Variants in CD226 observed in about 807,000 individuals in gnomAD.
CD226 encodes the protein CD226 molecule, also known as CD226 antigen.
A neutral mutation model predicts 34.9 loss-of-function variants in CD226; 24 were observed. The ratio of observed to expected loss-of-function variants is 0.69; its 90% CI spans 0.50 to 0.97. The LOEUF is 0.97. Among genes scored for constraint, CD226 ranks in the 50% least tolerant of loss-of-function variants. CD226 has a pLI of 0.00. For missense variants in CD226, 397 were observed against 412.7 expected, an observed-to-expected ratio of 0.96 and a Z score of 0.33; for synonymous variants, 148 against 147.4, an observed-to-expected ratio of 1.00 and a Z score of -0.03.
intron 2 of CD226, among the ~76,000 whole-genome samples, chr18:69,945,065 T>C (rs1345144866): frequency 1.3e-5 from 2 of 152,188 alleles, no homozygotes; most frequent in African/African-American, 2.4e-5. Flanking sequence ...TCAGATGTCA[T>C]AAAATGTTCT....
chr18:69,928,837 G>A (rs1211890339), intron 2 of CD226, among the ~76,000 whole-genome samples: 1 of 152,144 alleles, frequency 6.6e-6, no homozygotes, highest in Admixed American at 6.5e-5. Context: ...GAAAGAAAAG[G>A]CACAAGCAAA....
At chr18:69,874,572 T>C (rs1019516955) in intron 3 of CD226, among the ~76,000 whole-genome samples, 1 of 152,196 alleles carries the variant, frequency 6.6e-6, no homozygotes, top group African/African-American at 2.4e-5. Context: ...GTTTGTACTG[T>C]GACACCCCGG....
intron 3 of CD226, among the ~76,000 whole-genome samples, chr18:69,895,302 A>G (rs1985203142): frequency 6.6e-6 from 1 of 152,178 alleles, no homozygotes; most frequent in Non-Finnish European, 1.5e-5. Flanking sequence ...TCAACCTAGC[A>G]CTGTCTTGTA....
At chr18:69,954,915 T>G (rs1236209638) in intron 1 of CD226, among the ~76,000 whole-genome samples, 1 of 152,162 alleles carries the variant, frequency 6.6e-6, no homozygotes, top group Non-Finnish European at 1.5e-5. Flanking sequence ...TCAGCAGCCA[T>G]TTTTTGCATG....
In CD226 at chr18:69,879,253, C is replaced by T. The variant is rs143912264; in HGVS notation, c.728-6007G>A. Among the ~76,000 whole-genome samples the T allele has an allele frequency of 1.4e-3, 218 of 152,248 alleles. 1 individual carries two copies. The highest frequency in any genetic ancestry group is 7.3e-3 in the South Asian group (35 of 4,810). ...GCAGAGAACCAGTCTGACTAGAATT[C>T]GCCAGGCTGGAATTTCCTAATCCTA... On this transcript the variant is annotated intron_variant, in intron 3 of 5. Coordinates refer to ENST00000582621, the MANE Select transcript of CD226 (RefSeq NM_001303618.2).
At chr18:69,873,707 T>C (rs1004562417) in intron 3 of CD226, among the ~76,000 whole-genome samples, 1 of 151,994 alleles carries the variant, frequency 6.6e-6, no homozygotes. Context: ...CCGTCTCTAC[T>C]AAAAACACAA....
intron 3 of CD226, among the ~76,000 whole-genome samples, chr18:69,879,044 A>AT (rs1013769840): frequency 9.9e-5 from 15 of 152,096 alleles, no homozygotes; most frequent in African/African-American, 3.4e-4. Flanking sequence ...TTTATTAGCA[A>AT]TTTTCAAAGG....
At chr18:69,872,860 C>T (rs922186689) in intron 4 of CD226, among the ~76,000 whole-genome samples, 5 of 152,156 alleles carry the variant, frequency 3.3e-5, no homozygotes, top group African/African-American at 9.7e-5. Flanking sequence ...CACACCACCC[C>T]CTCGCTGTCA....
chr18:69,952,694 G>T (rs116429283), upstream of CD226, among the ~76,000 whole-genome samples: 1 of 152,080 alleles, frequency 6.6e-6, no homozygotes, highest in African/African-American at 2.4e-5. Context: ...AGTTGTCAAC[G>T]GATTCTTAGA....
At position 69,942,278 on chromosome 18, in the gene CD226, A is replaced by G. The variant is rs375449135; in HGVS notation, c.382+4456T>C. Reference sequence around the variant, plus strand: ...CACATTGGTTCTCTTTCTCTGGAGAAGCCTGACTAAAATAATAGAGATACC... The same window carrying G: ...CACATTGGTTCTCTTTCTCTGGAGAGGCCTGACTAAAATAATAGAGATACC... On this transcript the variant is annotated intron_variant, in intron 2 of 5. Transcript: ENST00000582621. Among the ~76,000 whole-genome samples the G allele has an allele frequency of 4.5e-4, 68 of 152,378 alleles. 1 individual carries two copies. The highest frequency in any genetic ancestry group is 1.4e-3 in the African/African-American group (59 of 41,592).
chr18:69,960,742 GC>G (rs1255042610), upstream of CD226, among the ~76,000 whole-genome samples: 39 of 152,306 alleles, frequency 2.6e-4, no homozygotes, highest in Admixed American at 1.2e-3. Context: ...GAGCCACTGT[GC>G]CTGGCCAGAT....
intron 2 of CD226, among the ~76,000 whole-genome samples, chr18:69,905,928 G>A (rs1358502617): frequency 1.3e-5 from 2 of 152,194 alleles, no homozygotes; most frequent in Non-Finnish European, 2.9e-5. Context: ...AAGGGTATTT[G>A]CCAGAAGAAA....
intron 3 of CD226, among the ~76,000 whole-genome samples, chr18:69,893,840 G>T (rs1291246972): frequency 1.3e-5 from 2 of 152,204 alleles, no homozygotes; most frequent in African/African-American, 4.8e-5. Flanking sequence ...TGTATGAAAA[G>T]ATGTTATTCC....
chr18:69,930,101 G>A (rs1295306044), intron 2 of CD226, among the ~76,000 whole-genome samples: 2 of 152,042 alleles, frequency 1.3e-5, no homozygotes, highest in African/African-American at 2.4e-5. Context: ...ATCATTCCTG[G>A]GAAGATGATG....
chr18:69,888,612 G>A (rs1984703955), intron 3 of CD226, among the ~76,000 whole-genome samples: 1 of 152,052 alleles, frequency 6.6e-6, no homozygotes. Flanking sequence ...ATCCTGACTT[G>A]TAGTCTAAGT....
intron 2 of CD226, among the ~76,000 whole-genome samples, chr18:69,909,910 G>T (rs1273279305): frequency 6.6e-6 from 1 of 152,168 alleles, no homozygotes; most frequent in Non-Finnish European, 1.5e-5. Context: ...ACTTAACAAG[G>T]TGAAGCAAAT....
intron 2 of CD226, among the ~76,000 whole-genome samples, chr18:69,943,855 A>C (rs1363599898): frequency 6.6e-6 from 1 of 152,172 alleles, no homozygotes; most frequent in Non-Finnish European, 1.5e-5. Flanking sequence ...TCCGCACATA[A>C]TAAGCTATCA....
At chr18:69,888,461 C>T (rs577492652) in intron 3 of CD226, among the ~76,000 whole-genome samples, 23 of 148,500 alleles carry the variant, frequency 1.5e-4, no homozygotes, top group Middle Eastern at 3.6e-3. Context: ...CTCTGTTGCC[C>T]AGGCTGCAGT....
upstream of CD226, among the ~76,000 whole-genome samples, chr18:69,952,578 C>A (rs1160450312): frequency 6.6e-6 from 1 of 152,156 alleles, no homozygotes; most frequent in Non-Finnish European, 1.5e-5. Context: ...TGGATCCCTA[C>A]CTCCGTGAAA....
Sources: allele counts gnomAD v4.1 joint callset (sites outside exome capture counted in the v4.1 genomes callset), GRCh38; gene constraint gnomAD v4.1.1; transcripts MANE v1.5; gene names NCBI Gene and HGNC (gene_info 2026-07-23, HGNC 2026-07-21).